The following DGCR2 variants were observed in gnomAD, a reference collection of about 807,000 sequenced individuals.
DGCR2 encodes the protein integral membrane protein DGCR2/IDD.
DGCR2 carries 24 observed loss-of-function variants against 51.6 expected under a neutral mutation model. That is an observed-to-expected ratio of 0.47 (90% CI 0.34 to 0.65). DGCR2 has a LOEUF of 0.65. DGCR2 is among the 30% of genes least tolerant of loss of function. The pLI is 0.01. For missense variants in DGCR2, 765 were observed against 772.1 expected, an observed-to-expected ratio of 0.99 and a Z score of 0.11; for synonymous variants, 340 against 315.4, an observed-to-expected ratio of 1.08 and a Z score of -0.82.
chr22:19,086,278 C>G (rs560371336), intron 2 of DGCR2, among the ~76,000 whole-genome samples: 3 of 151,944 alleles, frequency 2.0e-5, no homozygotes, highest in African/African-American at 7.3e-5. Context: ...GAGATCGAGA[C>G]GATCCTGACT....
At chr22:19,098,159 C>T (rs1000078650) in intron 1 of DGCR2, among the ~76,000 whole-genome samples, 1 of 152,200 alleles carries the variant, frequency 6.6e-6, no homozygotes, top group Non-Finnish European at 1.5e-5. Flanking sequence ...CTGAACACAG[C>T]TGGGCTCCCC....
chr22:19,085,538 C>G (rs2083005197), intron 2 of DGCR2, among the ~76,000 whole-genome samples: 1 of 152,212 alleles, frequency 6.6e-6, no homozygotes, highest in African/African-American at 2.4e-5. Flanking sequence ...CACACAGAAG[C>G]CTGCTGCCAG....
intron 2 of DGCR2, among the ~76,000 whole-genome samples, chr22:19,071,147 G>A (rs1239961739): frequency 1.3e-5 from 2 of 152,204 alleles, no homozygotes; most frequent in Non-Finnish European, 2.9e-5. Context: ...AGGGGTCACT[G>A]TAGCACCCAG....
chr22:19,065,031 T>C lies in DGCR2; in HGVS notation c.365A>G (p.Tyr122Cys), dbSNP rs763801557. ...CCGGTAGCAGCTGGCCGTGCCTTCG[T>C]AGTGGTGCCACCCTGTCGGGCACTT... Reference protein sequence around the residue: ...LGKCPTGWHHYEGTASCYRVY... With the variant: ...LGKCPTGWHHCEGTASCYRVY... The change falls in exon 4 of 10, where the codon TAC becomes TGC. Residue 122 changes from tyrosine (Y) to cysteine (C), a missense_variant. This residue lies in a region of DGCR2 where 370 missense variants were observed against 325.5 expected (regional missense o/e 1.14). Coordinates refer to ENST00000263196, the MANE Select transcript of DGCR2 (RefSeq NM_005137.3). The C allele has an allele frequency of 1.9e-5, 30 of 1,614,052 alleles. No individual in the cohort carries two copies. The highest frequency in any genetic ancestry group is 6.6e-5 in the South Asian group (6 of 91,088).
At chr22:19,045,884 A>T (rs1444523231) in intron 7 of DGCR2, among the ~76,000 whole-genome samples, 4 of 151,994 alleles carry the variant, frequency 2.6e-5, no homozygotes, top group Non-Finnish European at 5.9e-5. Flanking sequence ...AAGCCACCAT[A>T]CCCAACTAAT....
intron 2 of DGCR2, among the ~76,000 whole-genome samples, chr22:19,086,934 T>C (rs192482369): frequency 6.6e-6 from 1 of 152,334 alleles, no homozygotes; most frequent in East Asian, 1.9e-4. Context: ...ATGTTCAGCG[T>C]GTGTAACAGG....
chr22:19,109,651 G>T (rs969416700), intron 1 of DGCR2, among the ~76,000 whole-genome samples: 25 of 152,162 alleles, frequency 1.6e-4, no homozygotes, highest in African/African-American at 6.0e-4. Flanking sequence ...TACTCAATAG[G>T]TACTGAGTTT....
intron 2 of DGCR2, among the ~76,000 whole-genome samples, chr22:19,087,092 A>G (rs970845213): frequency 6.6e-6 from 1 of 152,208 alleles, no homozygotes; most frequent in Non-Finnish European, 1.5e-5. Flanking sequence ...GTCTCACTCT[A>G]TGAGTCAGAC....
At chr22:19,054,121 G>A (rs1218143117) in intron 6 of DGCR2, among the ~76,000 whole-genome samples, 2 of 152,212 alleles carry the variant, frequency 1.3e-5, no homozygotes, top group African/African-American at 4.8e-5. Flanking sequence ...TGGAATAATG[G>A]ATTGTGGATT....
chr22:19,055,225 A>C (rs2146322281), intron 6 of DGCR2, among the ~76,000 whole-genome samples: 1 of 152,282 alleles, frequency 6.6e-6, no homozygotes, highest in South Asian at 2.1e-4. Context: ...AAGAAAATCC[A>C]TTTATATGAA....
intron 1 of DGCR2, among the ~76,000 whole-genome samples, chr22:19,098,647 G>C (rs1436949806): frequency 6.6e-6 from 1 of 152,154 alleles, no homozygotes; most frequent in East Asian, 1.9e-4. Flanking sequence ...GAATGCAGCG[G>C]CATGACCACA....
chr22:19,108,743 T>C (rs1047785644), intron 1 of DGCR2, among the ~76,000 whole-genome samples: 2 of 151,868 alleles, frequency 1.3e-5, no homozygotes, highest in African/African-American at 2.4e-5. Context: ...TACTAGACAG[T>C]TGGACTCCAC....
At chr22:19,041,356 T>C in intron 8 of DGCR2, 62 bp from the exon 9 acceptor site, 2 of 1,529,076 alleles carry the variant, frequency 1.3e-6, no homozygotes, top group Non-Finnish European at 9.0e-7. Context: ...GCTGCCTGGC[T>C]CCTGAGCCCC....
intron 1 of DGCR2, 173 bp downstream of exon 1, chr22:19,121,954 TA>T: frequency 3.2e-6 from 1 of 310,198 alleles, no homozygotes; most frequent in Non-Finnish European, 5.7e-6. Context: ...CGAGCCCAGG[TA>T]AGCTCCAGCA....
chr22:19,069,570 C>A (rs1207557423), intron 2 of DGCR2, among the ~76,000 whole-genome samples: 2 of 152,192 alleles, frequency 1.3e-5, no homozygotes, highest in African/African-American at 4.8e-5. Flanking sequence ...CATTTCACGA[C>A]TTGCTTTGTA....
intron 1 of DGCR2, among the ~76,000 whole-genome samples, chr22:19,106,254 T>C (rs2083260548): frequency 6.6e-6 from 1 of 152,148 alleles, no homozygotes; most frequent in Non-Finnish European, 1.5e-5. Context: ...ACTCCAACAA[T>C]GCTCAGCTGC....
intron 2 of DGCR2, among the ~76,000 whole-genome samples, chr22:19,076,214 G>C (rs2082874455): frequency 6.6e-6 from 1 of 152,196 alleles, no homozygotes; most frequent in Non-Finnish European, 1.5e-5. Flanking sequence ...AGACTGGAGT[G>C]CAGTGGCATG....
chr22:19,057,734 G>A lies in DGCR2; in HGVS notation c.626-572C>T, dbSNP rs1190051496. ...CTCCCGGGGACCTCTCTCAGCTCAA[G>A]GGAAACTGTCACCCACTCAGCTCCT... On this transcript the variant is annotated intron_variant, in intron 5 of 9. Coordinates refer to ENST00000263196, the MANE Select transcript of DGCR2 (RefSeq NM_005137.3). This position sits in a 1 kb window ranked among gnomAD's most constrained non-coding sequence, Gnocchi z 5.1. 6.7e-6 allele frequency among the ~76,000 whole-genome samples: 1 copy of A among 148,410 alleles called. No individual in the cohort carries two copies. Among genetic ancestry groups the A allele is most frequent in the Non-Finnish European group, 1.5e-5 (1 of 67,342 alleles).
chr22:19,102,842 C>CA (rs2083218443), intron 1 of DGCR2, among the ~76,000 whole-genome samples: 1 of 151,884 alleles, frequency 6.6e-6, no homozygotes, highest in South Asian at 2.1e-4. Context: ...CTCATCTCCA[C>CA]AAAAAATAGA....
Sources: allele counts gnomAD v4.1 joint callset (sites outside exome capture counted in the v4.1 genomes callset), GRCh38; gene constraint gnomAD v4.1.1; regional missense constraint gnomAD v4.1.1; non-coding constraint Gnocchi (gnomAD v3.1); transcripts MANE v1.5; gene names NCBI Gene and HGNC (gene_info 2026-07-23, HGNC 2026-07-21).